CHST15: variants seen among roughly 807,000 people sequenced by gnomAD.
CHST15 encodes the protein B cell RAG associated protein (GALNAC4S-6ST).
In CHST15, 30 loss-of-function variants were observed where a neutral mutation model predicts 53.6. The observed-to-expected ratio is 0.56, with a 90% CI of 0.42 to 0.76. The LOEUF is 0.76. Among genes scored for constraint, CHST15 ranks in the 30% least tolerant of loss-of-function variants. The probability of loss-of-function intolerance (pLI) is 0.00; values close to 1 mark genes in which losing one functional copy is unlikely to be tolerated. For synonymous variants in CHST15, 296 were observed against 289.8 expected, an observed-to-expected ratio of 1.02 and a Z score of -0.22; for missense variants, 627 against 740.5, an observed-to-expected ratio of 0.85 and a Z score of 1.78.
intron 7 of CHST15, chr10:124,010,799 G>C (rs969241432): frequency 1.0e-6 from 1 of 985,456 alleles, no homozygotes. Context: ...CAAGGTCCCT[G>C]GGCCTGCACA....
intron 5 of CHST15, among the ~76,000 whole-genome samples, chr10:124,022,255 C>A (rs1946816082): frequency 6.6e-6 from 1 of 152,232 alleles, no homozygotes; most frequent in Non-Finnish European, 1.5e-5. Flanking sequence ...CCCCCACAGG[C>A]CAGAACAGAG....
At chr10:124,041,035 T>G (rs1947714253) in intron 4 of CHST15, among the ~76,000 whole-genome samples, 1 of 152,226 alleles carries the variant, frequency 6.6e-6, no homozygotes, top group African/African-American at 2.4e-5. Context: ...AGACTTGAGA[T>G]TTGGGGAGTT....
chr10:124,016,672 G>A (rs575854164), intron 6 of CHST15, among the ~76,000 whole-genome samples: 10 of 152,322 alleles, frequency 6.6e-5, no homozygotes, highest in Non-Finnish European at 1.3e-4. Flanking sequence ...CCTTGAGCCT[G>A]CCTGATACCA....
chr10:124,048,523 G>T (rs1398086278), intron 1 of CHST15, among the ~76,000 whole-genome samples: 1 of 152,128 alleles, frequency 6.6e-6, no homozygotes, highest in Non-Finnish European at 1.5e-5. Flanking sequence ...AAACCTCAAG[G>T]ATCAACCTCT....
chr10:124,019,888 G>A lies in CHST15; in HGVS notation c.1347+1368C>T, dbSNP rs745873753. The A allele has an allele frequency of 5.5e-5, 54 of 985,860 alleles. No homozygotes were observed. The highest frequency in any genetic ancestry group is 6.0e-5 in the Non-Finnish European group (50 of 830,398). The allele number at this position is 985,860 out of a possible 1,614,324, so 61.1% of individuals were successfully genotyped here. The stretch of plus-strand genomic sequence containing the variant: ...TCTCCCACACCAGGCGGCTGGCTGC[G>A]TTCTGTATGGTAGGTGGTGCTGACC... On this transcript the variant is annotated intron_variant, in intron 6 of 7. Transcript: ENST00000435907. This position sits in a 1 kb window ranked among gnomAD's most constrained non-coding sequence, Gnocchi z 4.6.
intron 5 of CHST15, among the ~76,000 whole-genome samples, chr10:124,033,007 A>G (rs537711953): frequency 6.6e-6 from 1 of 152,284 alleles, no homozygotes; most frequent in South Asian, 2.1e-4. Flanking sequence ...AACAACTTGG[A>G]CCAATCCAAC....
chr10:124,010,648 T>G, intron 7 of CHST15: 2 of 985,450 alleles, frequency 2.0e-6, no homozygotes, highest in South Asian at 9.4e-5. Context: ...CAATTGCCCT[T>G]GGTGGGCTGC....
intron 1 of CHST15, among the ~76,000 whole-genome samples, chr10:124,060,455 ACCAGGGGTGTGTGGAGGTGTGCCAGCCCC>A (rs1948529527): frequency 4.9e-5 from 6 of 121,590 alleles, no homozygotes; most frequent in South Asian, 3.0e-4. Context: ...TGCCAGCCCC[ACCAGGGGTGTGTGGAGGTGTGCCAGCCCC>A]CCAGGGGTGT....
intron 2 of CHST15, 57 bp from the exon 3 acceptor site, chr10:124,044,976 A>G (rs1947910278): frequency 8.1e-7 from 1 of 1,230,336 alleles, no homozygotes; most frequent in Non-Finnish European, 1.1e-6. Context: ...CAAAGACACA[A>G]TCTAACCGCA....
intron 5 of CHST15, among the ~76,000 whole-genome samples, chr10:124,026,200 C>T (rs75826915): frequency 0.029 from 4,429 of 152,246 alleles, 166 homozygotes; most frequent in African/African-American, 0.081. Flanking sequence ...AAGGCAAATG[C>T]GGACAGGAGC....
At chr10:124,031,741 C>T (rs148739689) in intron 5 of CHST15, among the ~76,000 whole-genome samples, 223 of 152,228 alleles carry the variant, frequency 1.5e-3, no homozygotes, top group African/African-American at 4.9e-3. Flanking sequence ...TGTTTAAACA[C>T]GTTACTACAA....
chr10:124,018,707 T>C (rs973664115), intron 6 of CHST15, among the ~76,000 whole-genome samples: 4 of 152,162 alleles, frequency 2.6e-5, no homozygotes, highest in Admixed American at 2.0e-4. Context: ...ACCCCATCAA[T>C]AGTGATGGCA....
chr10:124,072,169 G>A (rs915787551), intron 1 of CHST15, among the ~76,000 whole-genome samples: 6 of 152,186 alleles, frequency 3.9e-5, no homozygotes, highest in South Asian at 2.1e-4. Context: ...GCAATAACCC[G>A]GGCACAGGTT....
chr10:124,028,775 C>T (rs1947107496), intron 5 of CHST15, among the ~76,000 whole-genome samples: 1 of 152,222 alleles, frequency 6.6e-6, no homozygotes, highest in Admixed American at 6.5e-5. Context: ...TGGGACTTCT[C>T]AGAGGGCCAC....
chr10:124,028,624 G>A (rs1947102612), intron 5 of CHST15, among the ~76,000 whole-genome samples: 1 of 152,274 alleles, frequency 6.6e-6, no homozygotes, highest in African/African-American at 2.4e-5. Context: ...TTCCCACAGG[G>A]ACTCATGTCA....
chr10:124,016,199 G>C (rs542065951), intron 6 of CHST15, among the ~76,000 whole-genome samples: 1 of 152,142 alleles, frequency 6.6e-6, no homozygotes, highest in East Asian at 1.9e-4. Context: ...AGGCAGAGGG[G>C]TCTGTGCTGC....
intron 1 of CHST15, among the ~76,000 whole-genome samples, chr10:124,085,442 C>T (rs1366847872): frequency 6.6e-6 from 1 of 152,208 alleles, no homozygotes; most frequent in Non-Finnish European, 1.5e-5. Context: ...ATTAGACTCT[C>T]GACTCCTTGG....
chr10:124,045,636 A>C (rs759271654), intron 2 of CHST15, 31 bp downstream of exon 2: 1 of 1,519,970 alleles, frequency 6.6e-7, no homozygotes, highest in East Asian at 2.3e-5. Flanking sequence ...AAAATCAACC[A>C]ATCAGTCAAG....
At chr10:124,041,799 C>T (rs1253387856) in intron 4 of CHST15, among the ~76,000 whole-genome samples, 1 of 152,176 alleles carries the variant, frequency 6.6e-6, no homozygotes, top group Non-Finnish European at 1.5e-5. Flanking sequence ...TTGACAGGGG[C>T]TAGGCTTTTT....
Sources: gnomAD v4.1 joint callset for allele counts (sites outside exome capture counted in the v4.1 genomes callset) on GRCh38, gnomAD v4.1.1 for gene constraint, Gnocchi (gnomAD v3.1) non-coding constraint, MANE v1.5 for transcripts, NCBI Gene and HGNC (gene_info 2026-07-23, HGNC 2026-07-21) for gene names.